The following AGBL1 variants were observed in gnomAD, a reference collection of about 807,000 sequenced individuals.
AGBL1 encodes the protein AGBL carboxypeptidase 1, also known as cytosolic carboxypeptidase 4.
AGBL1 carries 130 observed loss-of-function variants against 118.9 expected under a neutral mutation model. The observed-to-expected ratio is 1.09, with a 90% CI of 0.95 to 1.26. The LOEUF (loss-of-function observed/expected upper bound fraction) is 1.26, where lower values mean the gene tolerates loss of function less well. Ranked by LOEUF, AGBL1 falls within the 50% of genes most tolerant of loss-of-function variation. AGBL1 has a pLI of 0.00. For missense variants in AGBL1, 1,584 were observed against 1,298.1 expected, an observed-to-expected ratio of 1.22 and a Z score of -3.38; for synonymous variants, 555 against 478.9, an observed-to-expected ratio of 1.16 and a Z score of -2.08.
chr15:86,723,501 A>G (rs1466760434), intron 22 of AGBL1, among the ~76,000 whole-genome samples: 10 of 151,968 alleles, frequency 6.6e-5, no homozygotes, highest in Admixed American at 4.6e-4. Flanking sequence ...ACCGGGGACT[A>G]TTGTGGAGTG....
intron 18 of AGBL1, among the ~76,000 whole-genome samples, chr15:86,415,168 G>A (rs138177022): frequency 2.6e-5 from 4 of 152,284 alleles, no homozygotes; most frequent in East Asian, 3.9e-4. Context: ...AGTGGACTGA[G>A]CCTTTCCTTT....
intron 21 of AGBL1, among the ~76,000 whole-genome samples, chr15:86,559,604 T>G (rs2083784876): frequency 6.6e-6 from 1 of 152,240 alleles, no homozygotes; most frequent in Non-Finnish European, 1.5e-5. Flanking sequence ...ATACTTATTG[T>G]GTGCTAAGCC....
intron 2 of AGBL1, among the ~76,000 whole-genome samples, chr15:86,142,738 C>T (rs1343255280): frequency 6.6e-6 from 1 of 152,172 alleles, no homozygotes; most frequent in East Asian, 1.9e-4. Flanking sequence ...GTGCTGCGTT[C>T]CACTGGCAGG....
chr15:86,359,043 T>C (rs2080763172), intron 17 of AGBL1, among the ~76,000 whole-genome samples: 1 of 152,010 alleles, frequency 6.6e-6, no homozygotes, highest in South Asian at 2.1e-4. Flanking sequence ...CCTACTTGTC[T>C]ATTTTCGCTT....
At chr15:86,673,172 G>A (rs182953559) in intron 21 of AGBL1, among the ~76,000 whole-genome samples, 23 of 152,216 alleles carry the variant, frequency 1.5e-4, no homozygotes, top group Admixed American at 3.3e-4. Flanking sequence ...TGTATTAAAC[G>A]TCTTTATAGG....
intron 1 of AGBL1, among the ~76,000 whole-genome samples, chr15:86,136,323 G>GT (rs1295626686): frequency 6.6e-6 from 1 of 152,194 alleles, no homozygotes; most frequent in Non-Finnish European, 1.5e-5. Flanking sequence ...TTAATAAAAG[G>GT]TATGTACAAA....
chr15:86,497,589 G>A (rs1398469219), intron 18 of AGBL1, among the ~76,000 whole-genome samples: 1 of 151,858 alleles, frequency 6.6e-6, no homozygotes, highest in Admixed American at 6.6e-5. Context: ...CATGCCCCTA[G>A]GTTAGGGACC....
At chr15:86,579,092 T>G (rs569227251) in intron 21 of AGBL1, among the ~76,000 whole-genome samples, 56 of 152,288 alleles carry the variant, frequency 3.7e-4, no homozygotes, top group African/African-American at 1.3e-3. Flanking sequence ...TGAAAAATAT[T>G]TCAGTGGCGT....
rs5814252 is a variant in AGBL1, at chr15:86,615,931, TAA to T, written c.2995-58333_2995-58332del. 2.6e-4 allele frequency among the ~76,000 whole-genome samples: 39 copies of T among 149,762 alleles called. No individual in the cohort carries two copies. Among genetic ancestry groups the T allele is most frequent in the African/African-American group, 4.4e-4 (18 of 40,668 alleles). ...TATAAGAAAAGATGTCAACAGGAAATAAAAAAAAAATACTCCCACGGAAGTGG... is the reference window on the plus strand; with the variant it reads ...TATAAGAAAAGATGTCAACAGGAAATAAAAAAAATACTCCCACGGAAGTGG... On this transcript the variant is annotated intron_variant, in intron 21 of 22. Coordinates refer to ENST00000614907, the MANE Select transcript of AGBL1 (RefSeq NM_001386094.1). The surrounding 1 kb of genome is among the most constrained non-coding windows in gnomAD (Gnocchi z 4.3).
At position 86,782,447 on chromosome 15, in the gene AGBL1, C is replaced by G. The variant is rs140292523; in HGVS notation, c.3158+108011C>G. Among the ~76,000 whole-genome samples, 537 of 152,198 alleles carry G rather than the reference C, an allele frequency of 3.5e-3. 18 individuals carry two copies. The highest frequency in any genetic ancestry group is 7.6e-4 in the Non-Finnish European group (52 of 67,978). The stretch of plus-strand genomic sequence containing the variant: ...AGTAGGATTTTACTATTTCTCATTT[C>G]TAAAATGTGTTTGAAATGCTATGTA... On this transcript the variant is annotated intron_variant, in intron 22 of 22. Transcript: ENST00000614907.
intron 23 of AGBL1, among the ~76,000 whole-genome samples, chr15:86,965,342 T>C (rs1464058247): frequency 2.0e-5 from 3 of 152,164 alleles, no homozygotes; most frequent in Non-Finnish European, 2.9e-5. Flanking sequence ...TGTGAGATGG[T>C]ATCTCATTGT....
At chr15:86,153,552 T>G (rs2141686990) in intron 3 of AGBL1, among the ~76,000 whole-genome samples, 1 of 152,258 alleles carries the variant, frequency 6.6e-6, no homozygotes, top group African/African-American at 2.4e-5. Context: ...GAGAAATACC[T>G]AATGTAAATG....
At chr15:86,117,909 T>TA (rs2141567597) in intron 1 of AGBL1, among the ~76,000 whole-genome samples, 1 of 152,350 alleles carries the variant, frequency 6.6e-6, no homozygotes, top group East Asian at 1.9e-4. Flanking sequence ...AGGTTATGTG[T>TA]AACTCCATTA....
intron 23 of AGBL1, among the ~76,000 whole-genome samples, chr15:86,954,867 A>ATTAGT (rs893167348): frequency 3.2e-4 from 48 of 152,304 alleles, no homozygotes; most frequent in African/African-American, 1.1e-3. Context: ...TTAATTGAAT[A>ATTAGT]TTAGTTTATG....
intron 22 of AGBL1, among the ~76,000 whole-genome samples, chr15:86,735,896 G>A (rs897759353): frequency 6.6e-6 from 1 of 152,038 alleles, no homozygotes; most frequent in African/African-American, 2.4e-5. Context: ...AAGTAGAAAT[G>A]AGATACGACT....
chr15:86,124,874 A>G (rs1368310129), intron 1 of AGBL1, among the ~76,000 whole-genome samples: 1 of 152,232 alleles, frequency 6.6e-6, no homozygotes, highest in Non-Finnish European at 1.5e-5. Context: ...ATGGCAGGGC[A>G]CAATTATAAT....
chr15:86,628,657 G>A (rs1207044307), intron 21 of AGBL1, among the ~76,000 whole-genome samples: 2 of 152,090 alleles, frequency 1.3e-5, no homozygotes, highest in African/African-American at 4.8e-5. Flanking sequence ...TTAGCCAGGC[G>A]TGGTGGTGGG....
intron 24 of AGBL1, among the ~76,000 whole-genome samples, chr15:86,997,303 G>A (rs548605995): frequency 6.8e-4 from 103 of 152,086 alleles, no homozygotes; most frequent in Non-Finnish European, 1.1e-3. Flanking sequence ...ACCAGGTCCT[G>A]GCGGCCTCCT....
At chr15:86,104,994 G>C (rs796616492) in intron 1 of AGBL1, 12 of 152,258 alleles carry the variant, frequency 7.9e-5, no homozygotes, top group African/African-American at 2.4e-4. Context: ...GCCTCTCCAG[G>C]ATCCCAGGTG....
Sources: allele counts gnomAD v4.1 joint callset (sites outside exome capture counted in the v4.1 genomes callset), GRCh38; gene constraint gnomAD v4.1.1; non-coding constraint Gnocchi (gnomAD v3.1); transcripts MANE v1.5; gene names NCBI Gene and HGNC (gene_info 2026-07-23, HGNC 2026-07-21).